The following ASXL3 variants were observed in gnomAD, a reference collection of about 807,000 sequenced individuals.
The protein encoded by ASXL3 is putative Polycomb group protein ASXL3.
ASXL3 carries 34 observed loss-of-function variants against 170.6 expected under a neutral mutation model. That is an observed-to-expected ratio of 0.20 (90% confidence interval 0.15 to 0.27). The LOEUF is 0.27. Among genes scored for constraint, ASXL3 ranks in the 10% least tolerant of loss-of-function variants. The pLI, the probability that ASXL3 is intolerant of heterozygous loss-of-function variation, is 1.00. For synonymous variants in ASXL3, 1,002 were observed against 989.1 expected (o/e 1.01, Z -0.24); for missense variants, 2,592 against 2,695.3 (o/e 0.96, Z 0.85).
At chr18:33,625,779 A>G (rs1227218010) in intron 2 of ASXL3, 3 of 152,132 alleles carry the variant, frequency 2.0e-5, no homozygotes, top group African/African-American at 7.2e-5. Context: ...AAAATAACTG[A>G]CAAGGATGGA....
intron 2 of ASXL3, among the ~76,000 whole-genome samples, chr18:33,616,225 A>G (rs1037630795): frequency 1.3e-5 from 2 of 152,160 alleles, no homozygotes; most frequent in Admixed American, 1.3e-4. Context: ...AGTTTTCAGC[A>G]CAATCCTAAT....
chr18:33,730,856 T>C (rs910475777), intron 8 of ASXL3, among the ~76,000 whole-genome samples: 2 of 152,164 alleles, frequency 1.3e-5, no homozygotes, highest in African/African-American at 4.8e-5. Flanking sequence ...ATAAATCAAT[T>C]AATAAATGAA....
At chr18:33,578,982 C>G (rs1407918978) in intron 1 of ASXL3, 1 of 177,186 alleles carries the variant, frequency 5.6e-6, no homozygotes, top group Admixed American at 6.2e-5. Flanking sequence ...GGGTGAATTT[C>G]CGAGCGCTCG....
intron 8 of ASXL3, among the ~76,000 whole-genome samples, chr18:33,707,274 ATGGATTGCATC>A (rs1317135035): frequency 2.0e-5 from 3 of 152,002 alleles, no homozygotes; most frequent in African/African-American, 7.2e-5. Flanking sequence ...AATTTTGGTT[ATGGATTGCATC>A]TAATATATAG....
intron 1 of ASXL3, among the ~76,000 whole-genome samples, chr18:33,603,155 GA>G (rs746792004): frequency 5.3e-5 from 8 of 152,064 alleles, no homozygotes; most frequent in Non-Finnish European, 1.2e-4. Context: ...TTTTGGGCCA[GA>G]AGGGCAAAAA....
rs1387979833 is a variant in ASXL3 at position 33,743,496 on chromosome 18, T to C, written c.3648T>C (p.Ile1216=). Residue 1216 remains isoleucine (I), a synonymous_variant, in exon 12 of 12, where the codon ATT becomes ATC. Coordinates refer to ENST00000269197, the MANE Select transcript of ASXL3 (RefSeq NM_030632.3). ...NIPVSHLSEK[I]VSSTSSENSS... ...CTGTGTCACATTTATCTGAGAAAAT[T>C]GTTTCATCTACCTCTTCTGAAAATA... 1.9e-6 allele frequency: 3 copies of C among 1,613,500 alleles called. No individual in the cohort carries two copies. The highest frequency in any genetic ancestry group is 1.7e-5 in the Admixed American group (1 of 60,010).
chr18:33,741,985 C>T (rs184302316), intron 11 of ASXL3, among the ~76,000 whole-genome samples: 41 of 152,240 alleles, frequency 2.7e-4, no homozygotes, highest in East Asian at 1.9e-3. Context: ...GATGACTCTG[C>T]GAGTCTCTTA....
chr18:33,735,914 G>T (rs9956918), intron 10 of ASXL3, among the ~76,000 whole-genome samples: 1 of 151,860 alleles, frequency 6.6e-6, no homozygotes, highest in African/African-American at 2.4e-5. Context: ...CTCAGTTCAA[G>T]GGACCTACAT....
At chr18:33,590,566 C>T (rs1050854133) in intron 1 of ASXL3, among the ~76,000 whole-genome samples, 5 of 152,170 alleles carry the variant, frequency 3.3e-5, no homozygotes, top group Non-Finnish European at 5.9e-5. Flanking sequence ...TGTTTCCAGT[C>T]TGGGTCTGCC....
chr18:33,696,527 G>T (rs1442889292), intron 8 of ASXL3, among the ~76,000 whole-genome samples: 1 of 152,048 alleles, frequency 6.6e-6, no homozygotes, highest in Non-Finnish European at 1.5e-5. Flanking sequence ...AGTGAGATTA[G>T]ATTAACCAGA....
chr18:33,729,552 G>A (rs2067408884), intron 8 of ASXL3, among the ~76,000 whole-genome samples: 1 of 152,018 alleles, frequency 6.6e-6, no homozygotes, highest in Admixed American at 6.6e-5. Context: ...CAGATCTTGT[G>A]CTTCACGTTA....
intron 2 of ASXL3, among the ~76,000 whole-genome samples, chr18:33,635,818 T>C (rs2065754481): frequency 6.6e-6 from 1 of 152,202 alleles, no homozygotes; most frequent in Admixed American, 6.5e-5. Context: ...AGAATTTTGG[T>C]GATGTTCATT....
intron 9 of ASXL3, among the ~76,000 whole-genome samples, chr18:33,734,044 T>TGATTTAGCATTCTTCTAAAGCATTTA (rs2067500297): frequency 1.2e-5 from 1 of 84,932 alleles, no homozygotes; most frequent in Non-Finnish European, 2.2e-5. Flanking sequence ...ATTTGCTAAA[T>TGATTTAGCATTCTTCTAAAGCATTTA]GCTTTAGCAT....
At chr18:33,615,355 A>AT (rs1189256496) in intron 2 of ASXL3, among the ~76,000 whole-genome samples, 1 of 152,104 alleles carries the variant, frequency 6.6e-6, no homozygotes, top group African/African-American at 2.4e-5. Flanking sequence ...CCTTCATAGA[A>AT]TTTTGACCAA....
chr18:33,643,048 G>A (rs540077359), intron 2 of ASXL3, among the ~76,000 whole-genome samples: 1 of 151,872 alleles, frequency 6.6e-6, no homozygotes, highest in African/African-American at 2.4e-5. Context: ...TCATTTTTAT[G>A]TATTGGATTC....
At chr18:33,692,174 G>A (rs530683754) in intron 8 of ASXL3, among the ~76,000 whole-genome samples, 1 of 152,304 alleles carries the variant, frequency 6.6e-6, no homozygotes, top group Admixed American at 6.5e-5. Flanking sequence ...TGAGTAAATT[G>A]AGGCCACAAA....
intron 2 of ASXL3, among the ~76,000 whole-genome samples, chr18:33,628,984 A>T (rs2065639715): frequency 6.6e-6 from 1 of 152,032 alleles, no homozygotes; most frequent in Non-Finnish European, 1.5e-5. Flanking sequence ...GTCAGAGAGG[A>T]TGTTGTTTCT....
chr18:33,702,885 G>T (rs1458321772), intron 8 of ASXL3, among the ~76,000 whole-genome samples: 1 of 152,096 alleles, frequency 6.6e-6, no homozygotes, highest in African/African-American at 2.4e-5. Flanking sequence ...CACTGCTCAA[G>T]ATTTTATAAT....
intron 7 of ASXL3, among the ~76,000 whole-genome samples, chr18:33,680,083 A>T (rs185617067): frequency 3.3e-5 from 5 of 151,148 alleles, no homozygotes; most frequent in African/African-American, 7.3e-5. Flanking sequence ...TTAATTTTCA[A>T]TTTTTTTCTA....
Sources: gnomAD v4.1 joint callset for allele counts (sites outside exome capture counted in the v4.1 genomes callset) on GRCh38, gnomAD v4.1.1 for gene constraint, MANE v1.5 for transcripts, NCBI Gene and HGNC (gene_info 2026-07-23, HGNC 2026-07-21) for gene names.